The following HPN variants were observed in gnomAD, a reference collection of about 807,000 sequenced individuals.
HPN encodes serine protease hepsin.
Under a neutral mutation model 55.9 loss-of-function variants are expected in HPN, and 13 were observed. The observed-to-expected ratio is 0.23, with a 90% CI of 0.15 to 0.37. HPN has a LOEUF of 0.37. Among genes scored for constraint, HPN ranks in the 10% least tolerant of loss-of-function variants. The pLI, the probability that HPN is intolerant of heterozygous loss-of-function variation, is 1.00. For missense variants in HPN, 451 were observed against 575.8 expected (o/e 0.78, Z 2.22); for synonymous variants, 225 against 240.3 (o/e 0.94, Z 0.59).
At chr19:35,062,520 C>T (rs1172289540) in intron 9 of HPN, among the ~76,000 whole-genome samples, 2 of 152,196 alleles carry the variant, frequency 1.3e-5, no homozygotes, top group Middle Eastern at 3.2e-3. Flanking sequence ...TAGGTGCCAA[C>T]ATGTCCTTAA....
chr19:35,048,059 A>AGAAG (rs2064362520), intron 2 of HPN, among the ~76,000 whole-genome samples: 3 of 53,530 alleles, frequency 5.6e-5, no homozygotes, highest in Non-Finnish European at 9.7e-5. Context: ...AAAGAAAGAA[A>AGAAG]GAAAGAAAGA....
chr19:35,052,825 A>G (rs917983443), intron 4 of HPN, among the ~76,000 whole-genome samples: 2 of 152,172 alleles, frequency 1.3e-5, no homozygotes, highest in Non-Finnish European at 2.9e-5. Flanking sequence ...TCCTTGAGTT[A>G]TGAGTGCACC....
At chr19:35,041,681 C>T (rs1356281694), upstream of HPN, 2 of 1,090,902 alleles carry the variant, frequency 1.8e-6, no homozygotes, top group Non-Finnish European at 2.3e-6. Context: ...GGCCCCTCCC[C>T]GCCCCTTCAC....
At chr19:35,047,660 T>C (rs1165153429) in intron 2 of HPN, among the ~76,000 whole-genome samples, 1 of 152,014 alleles carries the variant, frequency 6.6e-6, no homozygotes, top group Non-Finnish European at 1.5e-5. Flanking sequence ...CAGCGGATGT[T>C]CAGTAGGATG....
chr19:35,050,914 C>CTT lies in HPN; in HGVS notation c.160+1417_160+1418dup, dbSNP rs5827917. ...TTTTTTTTTCTTTCTTTCTTTCTTT[C>CTT]TTTTTTTTTTTTTTTTTTTTGAGAT... On this transcript the variant is annotated intron_variant, in intron 4 of 12. Transcript: ENST00000672452. 3.2e-3 allele frequency among the ~76,000 whole-genome samples: 290 copies of CTT among 90,440 alleles called. 9 individuals are homozygous for CTT. Among genetic ancestry groups the CTT allele is most frequent in the African/African-American group, 8.1e-3 (184 of 22,810 alleles). The allele number at this position is 90,440 out of a possible 152,430, so 59.3% of individuals were successfully genotyped here.
In HPN at chr19:35,065,956, G is replaced by T; in HGVS notation, c.1139G>T (p.Gly380Val). Residue 380 changes from glycine (G) to valine (V), a missense_variant, in exon 12 of 13, where the codon GGC (glycine) becomes GTC (valine). Physicochemically the swap from Gly to Val is moderately radical, Grantham distance 109. Transcript: ENST00000672452. ...RLCGIVSWGT[G>V]CALAQKPGVY... ...TGTGGCATTGTGAGTTGGGGCACTG[G>T]CTGTGCCCTGGCCCAGAAGCCAGGC... The T allele has an allele frequency of 6.2e-7, 1 of 1,613,748 alleles. No homozygotes were observed. The highest frequency in any genetic ancestry group is 8.5e-7 in the Non-Finnish European group (1 of 1,179,988).
rs1042328 is a variant in HPN, at chr19:35,066,356, T to G, written c.*69T>G. The G allele has an allele frequency of 0.66, 1,029,454 of 1,554,886 alleles. 347,955 individuals are homozygous for G. Among genetic ancestry groups the G allele is most frequent in the Admixed American group, 0.74 (38,885 of 52,848 alleles). On this transcript the variant is annotated 3_prime_UTR_variant, in exon 13 of 13. Coordinates refer to ENST00000672452, the MANE Select transcript of HPN (RefSeq NM_001384133.1). ...CCGGTGGTGGGATCCACGCTGGGCCTAGGATGGGACGTTTTTCTTCTTGGG... is the reference window on the plus strand; with the variant it reads ...CCGGTGGTGGGATCCACGCTGGGCCGAGGATGGGACGTTTTTCTTCTTGGG...
At chr19:35,056,588 G>A (rs1294933446) in intron 4 of HPN, among the ~76,000 whole-genome samples, 2 of 152,148 alleles carry the variant, frequency 1.3e-5, no homozygotes, top group African/African-American at 4.8e-5. Context: ...TCTCCCGGGA[G>A]CTCCCTCTAG....
intron 4 of HPN, among the ~76,000 whole-genome samples, chr19:35,053,373 C>T (rs912024614): frequency 1.3e-5 from 2 of 152,084 alleles, no homozygotes; most frequent in African/African-American, 4.8e-5. Flanking sequence ...AAACTCCAAG[C>T]CTTGGCTTTC....
intron 4 of HPN, among the ~76,000 whole-genome samples, chr19:35,058,380 A>C (rs1276733858): frequency 6.7e-6 from 1 of 149,100 alleles, no homozygotes; most frequent in African/African-American, 2.4e-5. Flanking sequence ...AGGTTTCATC[A>C]TCTTGGCCAG....
chr19:35,045,538 G>A (rs999926678), intron 2 of HPN, among the ~76,000 whole-genome samples: 9 of 152,168 alleles, frequency 5.9e-5, no homozygotes, highest in Non-Finnish European at 1.3e-4. Context: ...CATCCAGAGG[G>A]GCCTGGAGAA....
chr19:35,049,274 A>G lies in HPN; in HGVS notation c.17-16A>G, dbSNP rs532428341. On this transcript the variant is annotated splice_polypyrimidine_tract_variant and intron_variant, in intron 2 of 12. Transcript: ENST00000672452. ...GGACAGGCCTGGCTGTGGCCCCAGC[A>G]TGGTGTCTGTTGCAGGTGGCCGGAC... The G allele has an allele frequency of 5.8e-5, 88 of 1,516,790 alleles. 1 individual carries two copies. The highest frequency in any genetic ancestry group is 7.7e-5 in the Non-Finnish European group (87 of 1,129,370). The allele number at this position is 1,516,790 out of a possible 1,614,324, so 94.0% of individuals were successfully genotyped here. A position where few individuals can be genotyped will look rare whatever the true frequency, so the allele number is the denominator to read the frequency against.
In HPN at chr19:35,059,913, C is replaced by T. The variant is rs1022224261; in HGVS notation, c.330C>T (p.Gly110=). 10 of 1,502,906 alleles carry T rather than the reference C, an allele frequency of 6.7e-6. No homozygotes were observed. The highest frequency in any genetic ancestry group is 2.3e-5 in the Admixed American group (1 of 42,934). The allele number at this position is 1,502,906 out of a possible 1,614,324, so 93.1% of individuals were successfully genotyped here. Residue 110 remains glycine (G), a synonymous_variant, in exon 6 of 13, where the codon GGC becomes GGT. Coordinates refer to ENST00000672452, the MANE Select transcript of HPN (RefSeq NM_001384133.1). The stretch of plus-strand genomic sequence containing the variant: ...CCGAGCTGGACGTGCGAACGGCGGG[C>T]GCCAATGGCACGTCGGGCTTCTTCT... ...THSELDVRTA[G]ANGTSGFFCV...
intron 2 of HPN, 42 bp downstream of exon 2, chr19:35,042,564 C>A: frequency 1.3e-6 from 2 of 1,543,804 alleles, no homozygotes; most frequent in South Asian, 1.2e-5. Flanking sequence ...CTCTGCCTGG[C>A]GCCCCGCCCT....
intron 4 of HPN, among the ~76,000 whole-genome samples, chr19:35,058,813 A>G (rs2064488579): frequency 6.6e-6 from 1 of 151,934 alleles, no homozygotes; most frequent in African/African-American, 2.4e-5. Context: ...CCAAAGACAA[A>G]TGGAAAAAGA....
chr19:35,062,890 AATAATAATAACGGTG>A (rs2064552553), intron 9 of HPN, among the ~76,000 whole-genome samples: 1 of 38,364 alleles, frequency 2.6e-5, no homozygotes, highest in African/African-American at 4.6e-5. Flanking sequence ...CTCAGAACAT[AATAATAATAACGGTG>A]ATAATGATGA....
chr19:35,044,836 G>A (rs1370434174), intron 2 of HPN, among the ~76,000 whole-genome samples: 5 of 152,124 alleles, frequency 3.3e-5, no homozygotes, highest in East Asian at 1.9e-4. Flanking sequence ...CCAAGCCTCC[G>A]TGTGGAGGGT....
chr19:35,052,409 T>A (rs1479400008), intron 4 of HPN, among the ~76,000 whole-genome samples: 1 of 151,764 alleles, frequency 6.6e-6, no homozygotes, highest in African/African-American at 2.4e-5. Context: ...GCGCCTGTAA[T>A]CCCAGCTACT....
chr19:35,043,592 G>T (rs757642565), intron 2 of HPN, among the ~76,000 whole-genome samples: 11 of 152,222 alleles, frequency 7.2e-5, no homozygotes, highest in Non-Finnish European at 1.5e-4. Flanking sequence ...AGGAAGCACT[G>T]AGCGTGTTGG....
Sources: allele counts gnomAD v4.1 joint callset (sites outside exome capture counted in the v4.1 genomes callset), GRCh38; gene constraint gnomAD v4.1.1; transcripts MANE v1.5; gene names NCBI Gene and HGNC (gene_info 2026-07-23, HGNC 2026-07-21).